KLRD1: variants seen among roughly 807,000 people sequenced by gnomAD.
KLRD1 encodes natural killer cells antigen CD94.
A neutral mutation model predicts 22.6 loss-of-function variants in KLRD1; 21 were observed. The ratio of observed to expected loss-of-function variants is 0.93; its 90% CI spans 0.66 to 1.34. The LOEUF (loss-of-function observed/expected upper bound fraction) is 1.34, where lower values mean the gene tolerates loss of function less well. KLRD1 is among the 40% of genes most tolerant of loss of function. The pLI is 0.00. For synonymous variants in KLRD1, 59 were observed against 71.1 expected, an observed-to-expected ratio of 0.83 and a Z score of 0.85; for missense variants, 183 against 208.6, an observed-to-expected ratio of 0.88 and a Z score of 0.76.
rs926525171 is a variant in KLRD1, at chr12:10,329,527, G to A, written c.*14734G>A. The A allele has an allele frequency of 2.2e-4, 34 of 152,236 alleles. No individual in the cohort carries two copies. Among genetic ancestry groups the A allele is most frequent in the African/African-American group, 6.0e-4 (25 of 41,450 alleles). The allele number at this position is 152,236 out of a possible 1,614,324, so 9.4% of individuals were successfully genotyped here. ...ATGTCTGTAGGTGACTTGACTTGCAGTGTTGATCAGGTCATCTGGGTCTTT... is the reference window on the plus strand; with the variant it reads ...ATGTCTGTAGGTGACTTGACTTGCAATGTTGATCAGGTCATCTGGGTCTTT... On this transcript the variant is annotated 3_prime_UTR_variant, in exon 6 of 6. Transcript: ENST00000336164.
chr12:10,271,842 TGTG>T (rs35937518), intron 1 of KLRD1, among the ~76,000 whole-genome samples: 25,503 of 151,864 alleles, frequency 0.17, 4,185 homozygotes, highest in African/African-American at 0.43. Context: ...CTTTGTGAAA[TGTG>T]GTAAATTCTT....
intron 1 of KLRD1, among the ~76,000 whole-genome samples, chr12:10,266,784 CTTTA>C (rs1333498412): frequency 6.7e-6 from 1 of 149,302 alleles, no homozygotes; most frequent in African/African-American, 2.5e-5. Context: ...TTGCATATGA[CTTTA>C]TTATTAGGTT....
intron 1 of KLRD1, among the ~76,000 whole-genome samples, chr12:10,247,340 T>TTTAG (rs148209380): frequency 6.6e-6 from 1 of 152,168 alleles, no homozygotes; most frequent in South Asian, 2.1e-4. Context: ...TGGAATGTGA[T>TTTAG]TTAGTTAGTT....
chr12:10,298,223 C>A (rs1416616675), intron 1 of KLRD1, among the ~76,000 whole-genome samples: 1 of 152,104 alleles, frequency 6.6e-6, no homozygotes, highest in African/African-American at 2.4e-5. Context: ...CAAACCAGAA[C>A]CATTTCCACA....
chr12:10,243,607 C>CAA (rs34864670), intron 1 of KLRD1, among the ~76,000 whole-genome samples: 881 of 28,678 alleles, frequency 0.031, 139 homozygotes, highest in Admixed American at 0.062. Context: ...AGTGAGACTC[C>CAA]AAAAAAAAAA....
intron 1 of KLRD1, among the ~76,000 whole-genome samples, chr12:10,253,345 G>A (rs1301860619): frequency 1.3e-5 from 2 of 152,136 alleles, no homozygotes; most frequent in Non-Finnish European, 2.9e-5. Flanking sequence ...GCTCTTTAAT[G>A]TGTTTCATTT....
intron 1 of KLRD1, among the ~76,000 whole-genome samples, chr12:10,278,700 C>T (rs777192190): frequency 6.6e-5 from 10 of 152,070 alleles, no homozygotes; most frequent in South Asian, 2.1e-4. Context: ...TATATCCTTC[C>T]GAAAACTGCC....
At chr12:10,265,164 A>C (rs1489261020) in intron 1 of KLRD1, among the ~76,000 whole-genome samples, 1 of 152,222 alleles carries the variant, frequency 6.6e-6, no homozygotes, top group Non-Finnish European at 1.5e-5. Flanking sequence ...TTTTACTTTT[A>C]AAAAAATTTT....
At chr12:10,297,995 T>C (rs1949836809) in intron 1 of KLRD1, among the ~76,000 whole-genome samples, 1 of 152,254 alleles carries the variant, frequency 6.6e-6, no homozygotes, top group Non-Finnish European at 1.5e-5. Flanking sequence ...GAAAACACTT[T>C]CTCCAAATAT....
At chr12:10,255,610 T>A (rs944625776) in intron 1 of KLRD1, among the ~76,000 whole-genome samples, 2 of 152,190 alleles carry the variant, frequency 1.3e-5, no homozygotes, top group Non-Finnish European at 2.9e-5. Flanking sequence ...TTTAAAAGTG[T>A]TGTTTACATT....
Position 10,326,557 on chromosome 12 carries a change from G to C in KLRD1, c.*11764G>C, listed in dbSNP as rs1950363621. ...CTGGAAGCAAGGAGGGGGCTTCCAG[G>C]TCACAGGTAAGAGACAAATGGTTGC... On this transcript the variant is annotated 3_prime_UTR_variant, in exon 6 of 6. Transcript: ENST00000336164. 6.6e-6 allele frequency: 1 copy of C among 152,240 alleles called. No homozygotes were observed. The highest frequency in any genetic ancestry group is 1.5e-5 in the Non-Finnish European group (1 of 68,080). The allele number at this position is 152,240 out of a possible 1,614,324, so 9.4% of individuals were successfully genotyped here. A position where few individuals can be genotyped will look rare whatever the true frequency, so the allele number is the denominator to read the frequency against.
At chr12:10,256,767 C>T (rs12821332) in intron 1 of KLRD1, among the ~76,000 whole-genome samples, 10,668 of 151,914 alleles carry the variant, frequency 0.07, 446 homozygotes, top group East Asian at 0.17. Context: ...CATTATATTT[C>T]GCTGATGCAT....
Position 10,316,330 on chromosome 12 carries a change from G to A in KLRD1, c.*1537G>A, listed in dbSNP as rs1234845823. On this transcript the variant is annotated 3_prime_UTR_variant, in exon 6 of 6. Coordinates refer to ENST00000336164, the MANE Select transcript of KLRD1 (RefSeq NM_002262.5). ...AAACCACTTTAGAGTTATGCCTACTGTACCCACATAATCCTAAAAATATGT... is the reference window on the plus strand; with the variant it reads ...AAACCACTTTAGAGTTATGCCTACTATACCCACATAATCCTAAAAATATGT... The A allele has an allele frequency of 6.6e-6, 1 of 152,042 alleles. No homozygotes were observed. Among genetic ancestry groups the A allele is most frequent in the South Asian group, 2.1e-4 (1 of 4,824 alleles). 9.4% of individuals were successfully genotyped at this position (152,042 alleles called of 1,614,324 possible).
At chr12:10,306,358 C>G (rs770556346), upstream of KLRD1, among the ~76,000 whole-genome samples, 8 of 151,816 alleles carry the variant, frequency 5.3e-5, no homozygotes, top group Non-Finnish European at 1.0e-4. Flanking sequence ...ATTTCTAAGT[C>G]AGTGAACTAA....
At chr12:10,295,349 A>G (rs1024361686) in intron 1 of KLRD1, among the ~76,000 whole-genome samples, 5 of 152,122 alleles carry the variant, frequency 3.3e-5, no homozygotes, top group African/African-American at 7.2e-5. Context: ...ACACTGTTCT[A>G]TTCCAGAGTG....
At chr12:10,242,530 T>C (rs914910897) in intron 1 of KLRD1, among the ~76,000 whole-genome samples, 4 of 152,154 alleles carry the variant, frequency 2.6e-5, no homozygotes, top group African/African-American at 9.7e-5. Flanking sequence ...AACATATTGA[T>C]TTCAATTCGT....
chr12:10,314,030 A>G (rs1300597834), intron 5 of KLRD1, among the ~76,000 whole-genome samples: 1 of 151,820 alleles, frequency 6.6e-6, no homozygotes, highest in African/African-American at 2.4e-5. Context: ...TGGCTTGAGC[A>G]TCCAAGTTAA....
At chr12:10,287,009 G>A (rs181744904) in intron 1 of KLRD1, among the ~76,000 whole-genome samples, 53 of 152,128 alleles carry the variant, frequency 3.5e-4, no homozygotes, top group Non-Finnish European at 5.3e-4. Flanking sequence ...GTGGTGGTGC[G>A]CCTGTAGTCC....
At chr12:10,311,268 G>C (rs1950062101) in intron 3 of KLRD1, among the ~76,000 whole-genome samples, 196 bp from the exon 4 acceptor site, 1 of 152,010 alleles carries the variant, frequency 6.6e-6, no homozygotes. Flanking sequence ...TCTATCTCTA[G>C]AATATAATCT....
Sources: gnomAD v4.1 joint callset for allele counts (sites outside exome capture counted in the v4.1 genomes callset) on GRCh38, gnomAD v4.1.1 for gene constraint, MANE v1.5 for transcripts, NCBI Gene and HGNC (gene_info 2026-07-23, HGNC 2026-07-21) for gene names.